The following SLC8A1 variants were observed in gnomAD, a reference collection of about 807,000 sequenced individuals.
The protein encoded by SLC8A1 is solute carrier family 8 member A1.
In SLC8A1, 18 loss-of-function variants were observed where a neutral mutation model predicts 68.3. That is an observed-to-expected ratio of 0.26 (90% CI 0.18 to 0.39). The LOEUF is 0.39. Among genes scored for constraint, SLC8A1 ranks in the 10% least tolerant of loss-of-function variants. SLC8A1 has a pLI of 1.00. For missense variants in SLC8A1, 985 were observed against 1,156.7 expected (o/e 0.85, Z 2.15); for synonymous variants, 475 against 415.5 (o/e 1.14, Z -1.74).
intron 2 of SLC8A1, among the ~76,000 whole-genome samples, chr2:40,216,925 A>T (rs770147681): frequency 1.3e-5 from 2 of 152,158 alleles, no homozygotes; most frequent in Non-Finnish European, 1.5e-5. Context: ...TGGATCGCAA[A>T]AATTTTCTCC....
intron 1 of SLC8A1, among the ~76,000 whole-genome samples, chr2:40,444,844 T>A: frequency 6.6e-6 from 1 of 152,162 alleles, no homozygotes; most frequent in Non-Finnish European, 1.5e-5. Flanking sequence ...TTATGACAGA[T>A]CCTATAGTTC....
intron 4 of SLC8A1, among the ~76,000 whole-genome samples, chr2:40,174,410 C>G (rs1243306449): frequency 6.6e-6 from 1 of 152,054 alleles, no homozygotes; most frequent in Admixed American, 6.6e-5. Flanking sequence ...ATTGTGTCAC[C>G]TTATTCTAGA....
chr2:40,179,632 T>C (rs1466168167), intron 2 of SLC8A1, among the ~76,000 whole-genome samples: 1 of 152,238 alleles, frequency 6.6e-6, no homozygotes, highest in East Asian at 1.9e-4. Flanking sequence ...AAACAATGAG[T>C]GTTTGTAGAC....
At chr2:40,344,507 G>A (rs1326884131) in intron 2 of SLC8A1, among the ~76,000 whole-genome samples, 1 of 152,074 alleles carries the variant, frequency 6.6e-6, no homozygotes, top group Non-Finnish European at 1.5e-5. Flanking sequence ...TTTGGTTCTG[G>A]GAAAGTTCAT....
At chr2:40,103,093 A>C (rs547613342) in exon 8 of SLC8A1, 2 of 152,298 alleles carry the variant, frequency 1.3e-5, no homozygotes, top group South Asian at 4.1e-4. Context: ...GTGGTAATAA[A>C]GTTGGAATAT....
chr2:40,230,533 A>G (rs1404286949), intron 2 of SLC8A1, among the ~76,000 whole-genome samples: 1 of 152,166 alleles, frequency 6.6e-6, no homozygotes, highest in Non-Finnish European at 1.5e-5. Context: ...TTCATTCTAC[A>G]TCAACTCTTA....
chr2:40,379,464 C>T (rs1336361022), intron 2 of SLC8A1, among the ~76,000 whole-genome samples: 1 of 152,080 alleles, frequency 6.6e-6, no homozygotes, highest in Non-Finnish European at 1.5e-5. Flanking sequence ...TCTATAAATA[C>T]AGGCTTATCC....
rs144801235 is a variant in SLC8A1 at position 40,505,710 on chromosome 2, C to G, written c.-25+6639G>C. On this transcript the variant is annotated intron_variant, in intron 1 of 7. Coordinates refer to the SLC8A1 transcript ENST00000402441. ...AACAACAATAACAATATTCAGAAGA[C>G]TTATCTGTACTTTTAGAATCACTAT... 2.4e-4 allele frequency among the ~76,000 whole-genome samples: 37 copies of G among 151,998 alleles called. 1 individual carries two copies. The highest frequency in any genetic ancestry group is 7.5e-4 in the African/African-American group (31 of 41,518).
intron 2 of SLC8A1, among the ~76,000 whole-genome samples, chr2:40,335,170 A>G (rs1248010894): frequency 2.6e-5 from 4 of 152,208 alleles, no homozygotes; most frequent in Non-Finnish European, 4.4e-5. Flanking sequence ...CAATATCCGT[A>G]TATTATTTTC....
chr2:40,117,760 C>T (rs1298513527), intron 7 of SLC8A1, among the ~76,000 whole-genome samples: 3 of 152,130 alleles, frequency 2.0e-5, no homozygotes, highest in South Asian at 2.1e-4. Context: ...TGTAGTTGTA[C>T]GATACCTGTA....
At chr2:40,434,890 T>C (rs1226927362) in intron 1 of SLC8A1, among the ~76,000 whole-genome samples, 1 of 152,092 alleles carries the variant, frequency 6.6e-6, no homozygotes, top group Admixed American at 6.6e-5. Context: ...CTACAAGGAA[T>C]AGAAACCCAC....
intron 2 of SLC8A1, among the ~76,000 whole-genome samples, chr2:40,205,786 A>G (rs1350897035): frequency 6.7e-6 from 1 of 150,064 alleles, no homozygotes; most frequent in East Asian, 2.0e-4. Context: ...GCGCTTGTAC[A>G]TCTGAACTTA....
intron 2 of SLC8A1, among the ~76,000 whole-genome samples, chr2:40,426,339 A>G (rs1182328441): frequency 2.0e-5 from 3 of 152,134 alleles, no homozygotes; most frequent in Non-Finnish European, 4.4e-5. Flanking sequence ...TTATTAGCCA[A>G]TTTTCACCAA....
chr2:40,347,498 A>T (rs1341820436), intron 2 of SLC8A1, among the ~76,000 whole-genome samples: 1 of 152,202 alleles, frequency 6.6e-6, no homozygotes, highest in African/African-American at 2.4e-5. Context: ...TGTATATGAC[A>T]TACAAGTTAC....
At chr2:40,210,521 T>C (rs1241737963) in intron 2 of SLC8A1, among the ~76,000 whole-genome samples, 1 of 152,128 alleles carries the variant, frequency 6.6e-6, no homozygotes, top group Non-Finnish European at 1.5e-5. Context: ...ATTAAGAAAG[T>C]GTTAGTCACT....
intron 2 of SLC8A1, among the ~76,000 whole-genome samples, chr2:40,294,145 C>T (rs1303325640): frequency 6.6e-6 from 1 of 152,090 alleles, no homozygotes; most frequent in African/African-American, 2.4e-5. Flanking sequence ...TTCTTTGATG[C>T]AGCAATGCTA....
intron 2 of SLC8A1, among the ~76,000 whole-genome samples, chr2:40,340,435 CCTGTAATCCCA>C (rs376855252): frequency 2.6e-5 from 4 of 152,262 alleles, no homozygotes; most frequent in African/African-American, 9.6e-5. Flanking sequence ...GTGGCAGGCA[CCTGTAATCCCA>C]GCTACTCAGG....
chr2:40,181,701 C>T (rs1204909602), intron 2 of SLC8A1, among the ~76,000 whole-genome samples: 2 of 152,278 alleles, frequency 1.3e-5, no homozygotes, highest in South Asian at 2.1e-4. Flanking sequence ...CCCTTTAAAT[C>T]AACAGAGGCA....
chr2:40,500,642 A>G (rs948318017), intron 1 of SLC8A1, among the ~76,000 whole-genome samples: 3 of 152,002 alleles, frequency 2.0e-5, no homozygotes, highest in African/African-American at 7.2e-5. Flanking sequence ...ATTAGGGAAA[A>G]CATATGTCTC....
Sources: gnomAD v4.1 joint callset for allele counts (sites outside exome capture counted in the v4.1 genomes callset) on GRCh38, gnomAD v4.1.1 for gene constraint, MANE v1.5 for transcripts, NCBI Gene and HGNC (gene_info 2026-07-23, HGNC 2026-07-21) for gene names.